The following SRRM3 variants were observed in gnomAD, a reference collection of about 807,000 sequenced individuals.
The protein encoded by SRRM3 is serine/arginine repetitive matrix 3.
In SRRM3, 27 loss-of-function variants were observed where a neutral mutation model predicts 66.2. That is an observed-to-expected ratio of 0.41 (90% CI 0.30 to 0.56). SRRM3 has a LOEUF of 0.56. Ranked by LOEUF, SRRM3 falls within the 20% of genes least tolerant of loss-of-function variation. The pLI is 0.32. For synonymous variants in SRRM3, 391 were observed against 414.9 expected (o/e 0.94, Z 0.70); for missense variants, 918 against 991.9 (o/e 0.93, Z 1.00).
At chr7:76,282,613 G>A in intron 12 of SRRM3, 35 bp from the exon 13 acceptor site, 2 of 1,196,558 alleles carry the variant, frequency 1.7e-6, no homozygotes, top group South Asian at 1.8e-5. Context: ...TTTCCGGGTC[G>A]CTGAGCCCTA....
rs888902854 is a variant in SRRM3, at chr7:76,237,951, C to T, written c.233+2652C>T. Among the ~76,000 whole-genome samples the T allele has an allele frequency of 2.0e-5, 3 of 152,038 alleles. No homozygotes were observed. The South Asian group carries it at 6.2e-4, about 31-fold the overall frequency. ...CCCAGCATCAAGGATCCTTGCTTCC[C>T]TGGGAAGCACCCACTATGTCCCCAC... On this transcript the variant is annotated intron_variant, in intron 2 of 14. Coordinates refer to ENST00000611745, the MANE Select transcript of SRRM3 (RefSeq NM_001110199.3).
intron 1 of SRRM3, among the ~76,000 whole-genome samples, chr7:76,234,520 C>G (rs1321598438): frequency 6.6e-6 from 1 of 152,142 alleles, no homozygotes; most frequent in African/African-American, 2.4e-5. Context: ...CTTCCATCTT[C>G]CCCTCTCTGT....
At chr7:76,224,616 G>C (rs1800808842) in intron 1 of SRRM3, among the ~76,000 whole-genome samples, 1 of 152,034 alleles carries the variant, frequency 6.6e-6, no homozygotes, top group Non-Finnish European at 1.5e-5. Context: ...TGTCTCCGTC[G>C]AGGTATTGCT....
At chr7:76,251,758 C>T (rs1554606927) in intron 3 of SRRM3, among the ~76,000 whole-genome samples, 2 of 151,954 alleles carry the variant, frequency 1.3e-5, no homozygotes, top group Non-Finnish European at 2.9e-5. Context: ...AGCAAGACCC[C>T]CATCTCTATT....
chr7:76,202,656 G>A (rs1800181917), intron 1 of SRRM3, among the ~76,000 whole-genome samples: 1 of 152,150 alleles, frequency 6.6e-6, no homozygotes, highest in African/African-American at 2.4e-5. Flanking sequence ...CTAGGAATTT[G>A]GGAGGGGGTT....
At chr7:76,226,556 A>C (rs1800868042) in intron 1 of SRRM3, among the ~76,000 whole-genome samples, 1 of 151,860 alleles carries the variant, frequency 6.6e-6, no homozygotes, top group Admixed American at 6.6e-5. Flanking sequence ...AGTGGGCTGA[A>C]GGTCTGGTGT....
chr7:76,228,303 A>G (rs970540907), intron 1 of SRRM3, among the ~76,000 whole-genome samples: 3 of 152,176 alleles, frequency 2.0e-5, no homozygotes, highest in Non-Finnish European at 4.4e-5. Context: ...TGTTTTGCAG[A>G]TTGGCTAGGG....
intron 1 of SRRM3, among the ~76,000 whole-genome samples, chr7:76,232,489 T>G (rs538145707): frequency 5.9e-5 from 9 of 152,078 alleles, no homozygotes; most frequent in African/African-American, 2.2e-4. Context: ...GGAGAATCAC[T>G]TGAACCCAGG....
At chr7:76,231,327 C>T (rs1238110076) in intron 1 of SRRM3, among the ~76,000 whole-genome samples, 1 of 152,204 alleles carries the variant, frequency 6.6e-6, no homozygotes, top group Non-Finnish European at 1.5e-5. Flanking sequence ...GCTCTCCTTT[C>T]CTCCTCAATC....
In SRRM3 at chr7:76,223,727, T is replaced by G. The variant is rs1446520195; in HGVS notation, c.-39-11301T>G. 2.6e-5 allele frequency among the ~76,000 whole-genome samples: 4 copies of G among 152,066 alleles called. No individual in the cohort carries two copies. The East Asian group carries it at 7.7e-4, about 29-fold the overall frequency. On this transcript the variant is annotated intron_variant, in intron 1 of 14. Coordinates refer to ENST00000611745, the MANE Select transcript of SRRM3 (RefSeq NM_001110199.3). ...TCATCCTGCGTTTGCAGCCACCACC[T>G]TCACAGGAATGCAGTTTCCTGGATC... is the stretch of plus-strand genomic sequence containing the variant.
rs1563634567 is a variant in SRRM3 at position 76,265,849 on chromosome 7, TATATATA to T, written c.830+382_830+388del. Among the ~76,000 whole-genome samples the T allele has an allele frequency of 2.7e-3, 29 of 10,632 alleles. 2 individuals are homozygous for T. Among genetic ancestry groups the T allele is most frequent in the African/African-American group, 9.6e-3 (6 of 622 alleles). 7.0% of individuals were successfully genotyped at this position (10,632 alleles called of 152,430 possible). ...ATATTTATATATATATATATATATATATATATATATTTTTTTTTTTTTTTTTTTTTTT... is the reference window on the plus strand; with the variant it reads ...ATATTTATATATATATATATATATATTATTTTTTTTTTTTTTTTTTTTTTT... On this transcript the variant is annotated intron_variant, in intron 10 of 14. Transcript: ENST00000611745.
chr7:76,254,476 A>G (rs4615500), intron 3 of SRRM3, among the ~76,000 whole-genome samples: 35,712 of 151,902 alleles, frequency 0.24, 4,510 homozygotes, highest in East Asian at 0.45. Context: ...GTCCTACCAT[A>G]CCTGGCTAAT....
intron 1 of SRRM3, among the ~76,000 whole-genome samples, chr7:76,211,957 G>A (rs932753902): frequency 1.6e-4 from 24 of 149,472 alleles, no homozygotes; most frequent in East Asian, 6.0e-4. Context: ...CTCCTGCCTC[G>A]GCCTCCTGAG....
In SRRM3 at chr7:76,286,237, A is replaced by G. The variant is rs1429681771; in HGVS notation, c.*394A>G. 8.3e-6 allele frequency: 2 copies of G among 241,706 alleles called. No homozygotes were observed. The highest frequency in any genetic ancestry group is 1.7e-5 in the Non-Finnish European group (2 of 116,048). 15.0% of individuals were successfully genotyped at this position (241,706 alleles called of 1,614,324 possible). A position where few individuals can be genotyped will look rare whatever the true frequency, so the allele number is the denominator to read the frequency against. On this transcript the variant is annotated 3_prime_UTR_variant, in exon 15 of 15. Transcript: ENST00000611745. Reference sequence around the variant, plus strand: ...ACCTTAGCTCAGTGCAGCCAGGGACACCTTGCAAGGTGCCAGCCCTGGGAG... The same window carrying G: ...ACCTTAGCTCAGTGCAGCCAGGGACGCCTTGCAAGGTGCCAGCCCTGGGAG...
In SRRM3 at chr7:76,261,533, T is replaced by TA. The variant is rs782529098; in HGVS notation, c.639-12dup. 9 of 1,609,890 alleles carry TA rather than the reference T, an allele frequency of 5.6e-6. No homozygotes were observed. Among genetic ancestry groups the TA allele is most frequent in the Middle Eastern group, 1.6e-4 (1 of 6,072 alleles). On this transcript the variant is annotated splice_polypyrimidine_tract_variant and intron_variant, in intron 7 of 14. Transcript: ENST00000611745. ...CCAGGCAGGCTCAAGAGAACTCCTT[T>TA]ATCGCCCTACAGGTCTGATTCTGGG...
intron 8 of SRRM3, among the ~76,000 whole-genome samples, chr7:76,263,192 G>T (rs1554609002): frequency 6.6e-6 from 1 of 152,210 alleles, no homozygotes; most frequent in African/African-American, 2.4e-5. Context: ...GGTCCTAAAA[G>T]TGAACTAGGA....
rs999321162 is a variant in SRRM3, at chr7:76,264,757, C to T, written c.675-8C>T. On this transcript the variant is annotated splice_region_variant and splice_polypyrimidine_tract_variant and intron_variant, in intron 8 of 14. Coordinates refer to ENST00000611745, the MANE Select transcript of SRRM3 (RefSeq NM_001110199.3). ...CCACACCATCACTGTGGTCTCTGCTCTCTGCAGATCTCGAAGCTCCAAGTG... is the reference window on the plus strand; with the variant it reads ...CCACACCATCACTGTGGTCTCTGCTTTCTGCAGATCTCGAAGCTCCAAGTG... 6.2e-7 allele frequency: 1 copy of T among 1,613,686 alleles called. No homozygotes were observed. The highest frequency in any genetic ancestry group is 1.3e-5 in the African/African-American group (1 of 74,900).
chr7:76,284,121 G>A (rs543358000), intron 14 of SRRM3, among the ~76,000 whole-genome samples: 1 of 151,698 alleles, frequency 6.6e-6, no homozygotes, highest in East Asian at 1.9e-4. Flanking sequence ...CATTACCCCA[G>A]AGCTCAAAGC....
At chr7:76,203,547 T>C (rs1393581442) in intron 1 of SRRM3, among the ~76,000 whole-genome samples, 1 of 152,242 alleles carries the variant, frequency 6.6e-6, no homozygotes, top group East Asian at 1.9e-4. Flanking sequence ...AAGAGCTGGA[T>C]AAATGTGGAA....
Sources: gnomAD v4.1 joint callset for allele counts (sites outside exome capture counted in the v4.1 genomes callset) on GRCh38, gnomAD v4.1.1 for gene constraint, MANE v1.5 for transcripts, NCBI Gene and HGNC (gene_info 2026-07-23, HGNC 2026-07-21) for gene names.